The following NRG4 variants were observed in gnomAD, a reference collection of about 807,000 sequenced individuals.
The protein encoded by NRG4 is neuregulin 4.
A neutral mutation model predicts 15.0 loss-of-function variants in NRG4; 10 were observed. That is an observed-to-expected ratio of 0.67 (90% CI 0.41 to 1.13). The LOEUF (loss-of-function observed/expected upper bound fraction) is 1.13. NRG4 is among the 50% of genes most tolerant of loss of function. NRG4 has a pLI of 0.00. For synonymous variants in NRG4, 41 were observed against 50.1 expected, an observed-to-expected ratio of 0.82 and a Z score of 0.77; for missense variants, 139 against 140.2, an observed-to-expected ratio of 0.99 and a Z score of 0.04.
At chr15:75,984,530 C>G (rs1302317705) in intron 3 of NRG4, among the ~76,000 whole-genome samples, 2 of 152,098 alleles carry the variant, frequency 1.3e-5, no homozygotes, top group African/African-American at 4.8e-5. Context: ...AGCAAACTAA[C>G]ACAGGAACAG....
In NRG4 at chr15:75,953,737, G is replaced by A. The variant is rs367784302; in HGVS notation, c.331+2195C>T. 9.2e-5 allele frequency among the ~76,000 whole-genome samples: 14 copies of A among 152,166 alleles called. 1 individual carries two copies. Among genetic ancestry groups the A allele is most frequent in the African/African-American group, 3.4e-4 (14 of 41,420 alleles). ...TGGTGTATTACTACTCTGTTACTCA[G>A]GCTGGAGTGCAGGGGCACAATCTTG... On this transcript the variant is annotated intron_variant, in intron 5 of 5. Transcript: ENST00000394907.
chr15:76,031,028 A>G (rs1327777830), intron 5 of NRG4, among the ~76,000 whole-genome samples: 1 of 152,204 alleles, frequency 6.6e-6, no homozygotes, highest in African/African-American at 2.4e-5. Context: ...AGGATAATAT[A>G]TCATGACCAG....
At chr15:76,054,986 T>C (rs1296665609) in intron 2 of NRG4, among the ~76,000 whole-genome samples, 1 of 151,980 alleles carries the variant, frequency 6.6e-6, no homozygotes, top group East Asian at 1.9e-4. Flanking sequence ...TGAATTCAAT[T>C]ATTCAAGAGG....
intron 4 of NRG4, among the ~76,000 whole-genome samples, 157 bp downstream of exon 4, chr15:75,961,671 T>A (rs1157514586): frequency 6.6e-6 from 1 of 152,164 alleles, no homozygotes; most frequent in African/African-American, 2.4e-5. Flanking sequence ...TAAGATTCTT[T>A]CAAAAATGAA....
chr15:75,984,352 C>A (rs1050144811), intron 3 of NRG4, among the ~76,000 whole-genome samples: 1 of 151,986 alleles, frequency 6.6e-6, no homozygotes, highest in Admixed American at 6.6e-5. Context: ...CCTAAAACTG[C>A]CCTTTAAAAG....
chr15:76,051,697 G>A (rs2036023353), intron 4 of NRG4, among the ~76,000 whole-genome samples: 1 of 149,776 alleles, frequency 6.7e-6, no homozygotes, highest in Middle Eastern at 3.2e-3. Flanking sequence ...CAGAGCAGCT[G>A]GGACCACAGG....
chr15:76,051,388 G>A (rs1030220674), intron 4 of NRG4, among the ~76,000 whole-genome samples: 2 of 150,458 alleles, frequency 1.3e-5, no homozygotes, highest in Admixed American at 6.6e-5. Context: ...CGATCCTCTC[G>A]CCTCAGCTTC....
At position 75,964,929 on chromosome 15, in the gene NRG4, A is replaced by G. The variant is rs548042565; in HGVS notation, c.105-2955T>C. 5.9e-5 allele frequency among the ~76,000 whole-genome samples: 9 copies of G among 152,004 alleles called. No individual in the cohort carries two copies. The Middle Eastern group carries it at 0.01, about 172-fold the overall frequency. On this transcript the variant is annotated intron_variant, in intron 3 of 5. Transcript: ENST00000394907. ...AGAGTGAGAGGCTATTCCAAATAAA[A>G]AAAAGAAAAAAAGAGGCCGGACGCA... is the stretch of plus-strand genomic sequence containing the variant.
At chr15:75,989,704 T>TTTAAATCTCGTG in intron 3 of NRG4, among the ~76,000 whole-genome samples, 1 of 152,358 alleles carries the variant, frequency 6.6e-6, no homozygotes, top group Admixed American at 6.5e-5. Context: ...TAGTAACTGC[T>TTTAAATCTCGTG]TTAAATCTCG....
At chr15:75,997,189 G>A (rs918211238) in intron 3 of NRG4, among the ~76,000 whole-genome samples, 1 of 151,732 alleles carries the variant, frequency 6.6e-6, no homozygotes, top group Non-Finnish European at 1.5e-5. Context: ...AACTTTTTAC[G>A]AGATAATTCA....
chr15:76,012,785 C>T (rs1332790902), upstream of NRG4, among the ~76,000 whole-genome samples: 8 of 151,994 alleles, frequency 5.3e-5, no homozygotes, highest in Non-Finnish European at 1.2e-4. Context: ...GTTTGTGTTA[C>T]CTTACAAGCC....
rs552915399 is a variant in NRG4, at chr15:75,965,131, A to C, written c.105-3157T>G. Among the ~76,000 whole-genome samples the C allele has an allele frequency of 1.3e-3, 195 of 152,188 alleles. 3 individuals carry two copies. In the East Asian group the frequency reaches 0.037, roughly 29 times the overall value. On this transcript the variant is annotated intron_variant, in intron 3 of 5. Coordinates refer to ENST00000394907, the MANE Select transcript of NRG4 (RefSeq NM_138573.4). ...GTCCCAGCTACTTGCAGGCTGAGGCAGGAGAATGGCGTGAACCCGGGAGGC... is the reference window on the plus strand; with the variant it reads ...GTCCCAGCTACTTGCAGGCTGAGGCCGGAGAATGGCGTGAACCCGGGAGGC...
chr15:75,995,205 A>AG (rs1555434588), intron 3 of NRG4, among the ~76,000 whole-genome samples: 2 of 151,696 alleles, frequency 1.3e-5, no homozygotes, highest in African/African-American at 2.4e-5. Context: ...CTCAAAAAAA[A>AG]AAAGAAAGAA....
At chr15:76,029,978 G>A (rs948519739) in intron 5 of NRG4, among the ~76,000 whole-genome samples, 3 of 152,018 alleles carry the variant, frequency 2.0e-5, no homozygotes, top group African/African-American at 7.2e-5. Context: ...AAAGCTGCAG[G>A]CCAGGCATGG....
At chr15:75,946,388 C>T (rs572519719) in intron 5 of NRG4, among the ~76,000 whole-genome samples, 5 of 152,288 alleles carry the variant, frequency 3.3e-5, no homozygotes, top group Admixed American at 6.5e-5. Flanking sequence ...GACGAGGTCT[C>T]GCTCTGTCGC....
intron 3 of NRG4, among the ~76,000 whole-genome samples, chr15:75,968,957 T>C (rs2032964479): frequency 6.6e-6 from 1 of 152,194 alleles, no homozygotes; most frequent in South Asian, 2.1e-4. Context: ...TTATAAATAA[T>C]ATGTTAATGG....
Position 76,047,559 on chromosome 15 carries a change from T to TA in NRG4, c.-105+4507dup, listed in dbSNP as rs965280555. Among the ~76,000 whole-genome samples the TA allele has an allele frequency of 1.1e-4, 16 of 149,438 alleles. 1 individual carries two copies. Among genetic ancestry groups the TA allele is most frequent in the Non-Finnish European group, 1.9e-4 (13 of 67,554 alleles). On this transcript the variant is annotated intron_variant, in intron 4 of 8. Coordinates refer to the NRG4 transcript ENST00000563910. ...TATGTTCTCACTCATATATAGAAGC[T>TA]AAAAAAAATGAATCTCATGAAGACA...
At chr15:75,991,630 T>G (rs998870997) in intron 3 of NRG4, among the ~76,000 whole-genome samples, 7 of 147,750 alleles carry the variant, frequency 4.7e-5, no homozygotes, top group African/African-American at 1.7e-4. Context: ...CTTAGTGAAT[T>G]TTTTTTTTTT....
intron 3 of NRG4, among the ~76,000 whole-genome samples, chr15:75,996,381 C>A (rs778124286): frequency 3.9e-5 from 6 of 152,162 alleles, no homozygotes; most frequent in Non-Finnish European, 7.3e-5. Flanking sequence ...ATACCAACTT[C>A]ATTGAGTAGT....
Sources: gnomAD v4.1 joint callset for allele counts (sites outside exome capture counted in the v4.1 genomes callset) on GRCh38, gnomAD v4.1.1 for gene constraint, MANE v1.5 for transcripts, NCBI Gene and HGNC (gene_info 2026-07-23, HGNC 2026-07-21) for gene names.